MAST4: variants seen among roughly 807,000 people sequenced by gnomAD.
MAST4 encodes the protein microtubule associated serine/threonine kinase family member 4.
MAST4 carries 89 observed loss-of-function variants against 162.7 expected under a neutral mutation model. The observed-to-expected ratio is 0.55, with a 90% confidence interval of 0.46 to 0.65. The LOEUF (loss-of-function observed/expected upper bound fraction) is 0.65. Among genes scored for constraint, MAST4 ranks in the 30% least tolerant of loss-of-function variants. The pLI is 0.00. For missense variants in MAST4, 3,153 were observed against 3,374.0 expected (o/e 0.93, Z 1.62); for synonymous variants, 1,479 against 1,361.1 (o/e 1.09, Z -1.91).
At chr5:66,828,199 G>C (rs996903647) in intron 3 of MAST4, among the ~76,000 whole-genome samples, 2 of 152,170 alleles carry the variant, frequency 1.3e-5, no homozygotes, top group African/African-American at 4.8e-5. Flanking sequence ...TTATGTAAAT[G>C]AATGGGCTTT....
Position 67,038,925 on chromosome 5 carries a change from C to T in MAST4, c.675-15479C>T, listed in dbSNP as rs1241980552. Among the ~76,000 whole-genome samples the T allele has an allele frequency of 2.6e-5, 4 of 152,068 alleles. No homozygotes were observed. The East Asian group carries it at 7.7e-4, about 29-fold the overall frequency. On this transcript the variant is annotated intron_variant, in intron 4 of 28. Transcript: ENST00000403625. ...GAAGCTAGTATCTTAAGACCCAGGG[C>T]TCTGGAGAGAGATCTTTAATTTAAG...
intron 3 of MAST4, among the ~76,000 whole-genome samples, chr5:66,801,566 C>CT (rs1182756556): frequency 6.6e-6 from 1 of 152,160 alleles, no homozygotes; most frequent in East Asian, 1.9e-4. Flanking sequence ...TTTTTAGACC[C>CT]GTGGAATAAA....
chr5:66,700,798 T>TAC (rs1240400584), intron 1 of MAST4, among the ~76,000 whole-genome samples: 4,412 of 136,116 alleles, frequency 0.032, 76 homozygotes, highest in Non-Finnish European at 0.049. Flanking sequence ...TATATATATA[T>TAC]ATACACACAC....
intron 4 of MAST4, among the ~76,000 whole-genome samples, chr5:66,990,970 T>C (rs1750010337): frequency 1.3e-5 from 2 of 152,190 alleles, no homozygotes; most frequent in African/African-American, 4.8e-5. Context: ...ATTATTTGAG[T>C]GAAAGCTTCT....
At chr5:66,919,898 CTCCTTCCTTCCTTCCTTCCTTCCT>C (rs770358340) in intron 4 of MAST4, among the ~76,000 whole-genome samples, 22,763 of 112,048 alleles carry the variant, frequency 0.2, 2,766 homozygotes, top group Middle Eastern at 0.27. Flanking sequence ...ATTTTTCTCT[CTCCTTCCTTCCTTCCTTCCTTCCT>C]TCCTTCCTTC....
intron 12 of MAST4, among the ~76,000 whole-genome samples, chr5:67,116,178 AGTTTT>A (rs1766883991): frequency 7.3e-6 from 1 of 136,960 alleles, no homozygotes; most frequent in East Asian, 2.2e-4. Context: ...ATCTAAGGCT[AGTTTT>A]GTTTGTTTGT....
At chr5:67,058,679 A>G (rs1759170088) in intron 5 of MAST4, among the ~76,000 whole-genome samples, 2 of 152,218 alleles carry the variant, frequency 1.3e-5, no homozygotes, top group South Asian at 4.1e-4. Context: ...TTGTCATTTC[A>G]TGTGCATCTG....
At chr5:66,878,520 A>T (rs1761457392) in intron 3 of MAST4, among the ~76,000 whole-genome samples, 1 of 152,198 alleles carries the variant, frequency 6.6e-6, no homozygotes, top group East Asian at 1.9e-4. Flanking sequence ...AGACCAGTTA[A>T]TCTCTGTACT....
chr5:66,624,156 T>TTTG (rs1433842122), intron 1 of MAST4, among the ~76,000 whole-genome samples: 1 of 137,634 alleles, frequency 7.3e-6, no homozygotes, highest in Non-Finnish European at 1.6e-5. Context: ...GTTTTTTTTT[T>TTTG]TTTTTTTTTT....
intron 1 of MAST4, among the ~76,000 whole-genome samples, chr5:66,672,853 A>G (rs1392595216): frequency 6.6e-6 from 1 of 152,172 alleles, no homozygotes; most frequent in African/African-American, 2.4e-5. Flanking sequence ...ATCATTTTAT[A>G]ATACTTAATG....
chr5:66,843,591 T>C (rs1758580663), intron 3 of MAST4, among the ~76,000 whole-genome samples: 1 of 152,106 alleles, frequency 6.6e-6, no homozygotes, highest in Non-Finnish European at 1.5e-5. Context: ...GGCATTAAGT[T>C]TGGAAGAAGG....
At chr5:67,104,264 C>A in intron 9 of MAST4, 102 bp from the exon 10 acceptor site, 1 of 883,198 alleles carries the variant, frequency 1.1e-6, no homozygotes, top group Non-Finnish European at 1.9e-6. Flanking sequence ...CATTTAACAA[C>A]TTGTGGAGGT....
intron 3 of MAST4, among the ~76,000 whole-genome samples, chr5:66,811,062 C>T (rs1410922521): frequency 3.3e-5 from 5 of 152,184 alleles, no homozygotes; most frequent in East Asian, 1.9e-4. Flanking sequence ...GGGCCAGGCA[C>T]GCACAGGAAC....
At chr5:66,942,454 G>C (rs1200754346) in intron 4 of MAST4, among the ~76,000 whole-genome samples, 2 of 152,138 alleles carry the variant, frequency 1.3e-5, no homozygotes, top group African/African-American at 4.8e-5. Context: ...GTCTTGGATT[G>C]ATTATGTCAG....
intron 1 of MAST4, among the ~76,000 whole-genome samples, chr5:66,613,988 A>G (rs1743470804): frequency 6.6e-6 from 1 of 152,254 alleles, no homozygotes; most frequent in Non-Finnish European, 1.5e-5. Context: ...GCAAATTTAT[A>G]AAGCAAGGCA....
chr5:66,778,336 T>TA (rs1200651889), intron 2 of MAST4, among the ~76,000 whole-genome samples: 4 of 152,182 alleles, frequency 2.6e-5, no homozygotes, highest in African/African-American at 4.8e-5. Flanking sequence ...GTGGTCTAGG[T>TA]AAAACAGGGA....
At chr5:66,964,044 T>C in intron 4 of MAST4, 1 of 636,520 alleles carries the variant, frequency 1.6e-6, no homozygotes, top group Non-Finnish European at 3.0e-6. Context: ...TCTTAGGGAA[T>C]GATCTGCACT....
chr5:67,056,407 C>T (rs2150568944), intron 5 of MAST4, among the ~76,000 whole-genome samples: 1 of 152,248 alleles, frequency 6.6e-6, no homozygotes, highest in African/African-American at 2.4e-5. Flanking sequence ...AATGATGATT[C>T]TGTTTTTTAG....
intron 4 of MAST4, among the ~76,000 whole-genome samples, chr5:66,993,780 G>C (rs147692401): frequency 6.6e-6 from 1 of 152,302 alleles, no homozygotes; most frequent in East Asian, 1.9e-4. Context: ...AGGGATTATA[G>C]CATAAAATAT....
Sources: gnomAD v4.1 joint callset for allele counts (sites outside exome capture counted in the v4.1 genomes callset) on GRCh38, gnomAD v4.1.1 for gene constraint, MANE v1.5 for transcripts, NCBI Gene and HGNC (gene_info 2026-07-23, HGNC 2026-07-21) for gene names.